Variants in PCDHA2 observed in about 807,000 individuals in gnomAD.
The protein encoded by PCDHA2 is protocadherin alpha 2, also known as protocadherin alpha-2.
Under a neutral mutation model 66.0 loss-of-function variants are expected in PCDHA2, and 58 were observed. That is an observed-to-expected ratio of 0.88 (90% CI 0.71 to 1.09). PCDHA2 has a LOEUF of 1.09. Among genes scored for constraint, PCDHA2 ranks in the 50% least tolerant of loss-of-function variants. PCDHA2 has a pLI of 0.00. For missense variants in PCDHA2, 1,267 were observed against 1,242.3 expected, an observed-to-expected ratio of 1.02 and a Z score of -0.30; for synonymous variants, 634 against 554.0, an observed-to-expected ratio of 1.14 and a Z score of -2.03.
At position 140,829,585 on chromosome 5, in the gene PCDHA2, G is replaced by A. The variant is rs2150170592; in HGVS notation, c.2388+32233G>A. On this transcript the variant is annotated intron_variant, in intron 1 of 3. Transcript: ENST00000526136. ...TGTCCTACTCGCTGGTGGAGCGGCG[G>A]GTGGGCGAGCGCGCGTTGTCGAGCT... 3.9e-3 allele frequency: 6,235 copies of A among 1,612,244 alleles called. 24 individuals are homozygous for A. The highest frequency in any genetic ancestry group is 4.7e-3 in the Non-Finnish European group (5,594 of 1,179,798).
At chr5:140,802,731 G>T (rs782560612) in intron 1 of PCDHA2, 1 of 1,612,422 alleles carries the variant, frequency 6.2e-7, no homozygotes, top group Non-Finnish European at 8.5e-7. Context: ...GTCGGTACAC[G>T]CGGAGAGCGG....
At chr5:140,863,023 G>T (rs782495275) in intron 1 of PCDHA2, 12 of 553,926 alleles carry the variant, frequency 2.2e-5, no homozygotes, top group South Asian at 1.5e-4. Context: ...CCTGGTTGTC[G>T]CAACAGCTGC....
intron 1 of PCDHA2, chr5:140,824,081 T>G (rs781799131): frequency 6.2e-7 from 1 of 1,614,124 alleles, no homozygotes; most frequent in Non-Finnish European, 8.5e-7. Context: ...ACAGACCTCA[T>G]GGCCTTCAGT....
intron 1 of PCDHA2, among the ~76,000 whole-genome samples, chr5:140,798,612 G>A (rs1431451446): frequency 6.6e-6 from 1 of 152,124 alleles, no homozygotes; most frequent in Non-Finnish European, 1.5e-5. Flanking sequence ...TTCTATGCGT[G>A]GGAATACATT....
intron 1 of PCDHA2, chr5:140,831,207 A>G (rs1426566077): frequency 6.6e-6 from 1 of 152,222 alleles, no homozygotes; most frequent in Non-Finnish European, 1.5e-5. Context: ...GATCAAGTAA[A>G]TTTATATGAA....
chr5:140,953,074 C>T (rs929530454), intron 1 of PCDHA2, among the ~76,000 whole-genome samples: 1 of 152,204 alleles, frequency 6.6e-6, no homozygotes, highest in Non-Finnish European at 1.5e-5. Flanking sequence ...CCATCTCCAA[C>T]ATTGGGGATT....
At position 140,796,688 on chromosome 5, in the gene PCDHA2, G is replaced by A. The variant is rs1554120046; in HGVS notation, c.1724G>A (p.Gly575Asp). The change falls in exon 1 of 4, where the codon GGC becomes GAC. Residue 575 changes from glycine (G) to aspartate (D), a missense_variant. Physicochemically the swap from Gly to Asp is moderately conservative, Grantham distance 94 (BLOSUM62 -1). Transcript: ENST00000526136. ...GCGCCTAGGGCTGGCACCGCTGCTG[G>A]CGCAGTGAGTGAGCTGGTGCCGTGG... ...LLAPRAGTAA[G>D]AVSELVPWSV... 2 of 1,613,940 alleles carry A rather than the reference G, an allele frequency of 1.2e-6. No individual in the cohort carries two copies. The highest frequency in any genetic ancestry group is 2.2e-5 in the East Asian group (1 of 44,876).
chr5:140,969,408 T>C (rs2096327357), intron 1 of PCDHA2: 6 of 1,573,824 alleles, frequency 3.8e-6, no homozygotes, highest in Non-Finnish European at 5.2e-6. Flanking sequence ...GATTTGGCTT[T>C]ATTGAGTCAT....
chr5:140,926,526 C>G (rs2083305621), intron 1 of PCDHA2: 1 of 209,510 alleles, frequency 4.8e-6, no homozygotes, highest in Non-Finnish European at 9.3e-6. Flanking sequence ...GCCCTGCGCC[C>G]GCAGCCAGCG....
chr5:140,945,409 T>C (rs945280530), intron 1 of PCDHA2, among the ~76,000 whole-genome samples: 4 of 152,116 alleles, frequency 2.6e-5, no homozygotes, highest in African/African-American at 9.7e-5. Flanking sequence ...ACAATTCGTA[T>C]CAAAATTTCA....
chr5:140,927,131 C>T (rs782433395), intron 1 of PCDHA2: 1 of 1,614,078 alleles, frequency 6.2e-7, no homozygotes, highest in Non-Finnish European at 8.5e-7. Context: ...GTCAGAGAGC[C>T]GGCGGACCGC....
At chr5:140,865,116 G>T (rs2048743320) in intron 1 of PCDHA2, 1 of 152,144 alleles carries the variant, frequency 6.6e-6, no homozygotes, top group Non-Finnish European at 1.5e-5. Flanking sequence ...GACAATTGTG[G>T]TGTTAATTAT....
chr5:140,857,883 C>T (rs782327077), intron 1 of PCDHA2: 1 of 1,597,548 alleles, frequency 6.3e-7, no homozygotes, highest in Admixed American at 1.7e-5. Context: ...GAATTGCAGT[C>T]GGCGGCGGTT....
At chr5:140,958,278 T>A (rs1445019557) in intron 1 of PCDHA2, among the ~76,000 whole-genome samples, 1 of 152,090 alleles carries the variant, frequency 6.6e-6, no homozygotes, top group Non-Finnish European at 1.5e-5. Flanking sequence ...GAAGTATATA[T>A]TTTAAATATT....
At chr5:140,941,214 C>CCTTTCTTTCTTT (rs60032403) in intron 1 of PCDHA2, among the ~76,000 whole-genome samples, 2,129 of 122,416 alleles carry the variant, frequency 0.017, 41 homozygotes, top group Non-Finnish European at 0.024. Context: ...TTTCTTTCTT[C>CCTTTCTTTCTTT]CTTTCTTTCT....
At chr5:140,890,968 T>C (rs559851253) in intron 1 of PCDHA2, among the ~76,000 whole-genome samples, 7 of 152,190 alleles carry the variant, frequency 4.6e-5, no homozygotes, top group African/African-American at 7.2e-5. Flanking sequence ...AGGTTTTGTT[T>C]TTCTGAAAAT....
At chr5:140,921,534 G>A (rs1413381073) in intron 1 of PCDHA2, among the ~76,000 whole-genome samples, 3 of 152,130 alleles carry the variant, frequency 2.0e-5, no homozygotes, top group African/African-American at 7.2e-5. Context: ...TCTGCTGATA[G>A]AACATTCTGC....
intron 1 of PCDHA2, chr5:140,883,358 C>A (rs1554177826): frequency 6.2e-7 from 1 of 1,614,192 alleles, no homozygotes; most frequent in South Asian, 1.1e-5. Context: ...AGAAGACACT[C>A]AGCCTAGCGC....
chr5:140,883,946 G>T (rs139225969), intron 1 of PCDHA2: 2 of 1,613,274 alleles, frequency 1.2e-6, no homozygotes, highest in Non-Finnish European at 1.7e-6. Flanking sequence ...GGACGAGAAC[G>T]ACAACGCTCC....
Sources: gnomAD v4.1 joint callset for allele counts (sites outside exome capture counted in the v4.1 genomes callset) on GRCh38, gnomAD v4.1.1 for gene constraint, MANE v1.5 for transcripts, NCBI Gene and HGNC (gene_info 2026-07-23, HGNC 2026-07-21) for gene names.